C12orf43: variants seen among roughly 807,000 people sequenced by gnomAD.
C12orf43 encodes the protein chromosome 12 open reading frame 43, also known as protein CUSTOS.
C12orf43 carries 15 observed loss-of-function variants against 20.6 expected under a neutral mutation model. That is an observed-to-expected ratio of 0.73 (90% CI 0.49 to 1.12). C12orf43 has a LOEUF of 1.12. Ranked by LOEUF, C12orf43 falls within the 50% of genes most tolerant of loss-of-function variation. The pLI is 0.00. For synonymous variants in C12orf43, 144 were observed against 130.8 expected, an observed-to-expected ratio of 1.10 and a Z score of -0.69; for missense variants, 334 against 344.4, an observed-to-expected ratio of 0.97 and a Z score of 0.24.
At position 121,001,237 on chromosome 12, in the gene C12orf43, T is replaced by C. The variant is rs369513058; in HGVS notation, c.*2916A>G. ...GGGCCTGTACTGCCTGCTTGGGGGG[T>C]GATGAGGGCAGCAGCCAGCCCTGCC... On this transcript the variant is annotated 3_prime_UTR_variant, in exon 6 of 6. Coordinates refer to ENST00000288757, the MANE Select transcript of C12orf43 (RefSeq NM_022895.3). 1.2e-6 allele frequency: 2 copies of C among 1,608,152 alleles called. No individual in the cohort carries two copies. Among genetic ancestry groups the C allele is most frequent in the Non-Finnish European group, 1.7e-6 (2 of 1,178,100 alleles).
In C12orf43 at chr12:121,002,032, C is replaced by T; in HGVS notation, c.*2121G>A. ...CTCGCAACCCGTGCCAAGTCCAGGT[C>T]CTGGTGGGGCAGCTCCTCTGTCTCG... On this transcript the variant is annotated 3_prime_UTR_variant, in exon 6 of 6. Coordinates refer to ENST00000288757, the MANE Select transcript of C12orf43 (RefSeq NM_022895.3). 1 of 536,888 alleles carries T rather than the reference C, an allele frequency of 1.9e-6. No homozygotes were observed. The allele number at this position is 536,888 out of a possible 1,614,324, so 33.3% of individuals were successfully genotyped here.
rs773915946 is a variant in C12orf43, at chr12:121,016,408, G to A, written c.67C>T (p.Leu23=). The A allele has an allele frequency of 7.4e-6, 12 of 1,613,882 alleles. No individual in the cohort carries two copies. The African/African-American group carries it at 1.6e-4, about 22-fold the overall frequency. Residue 23 remains leucine, a synonymous_variant, in exon 1 of 6, where the codon CTG becomes TTG. Coordinates refer to ENST00000288757, the MANE Select transcript of C12orf43 (RefSeq NM_022895.3). ...SSNSSSDAEE[L]ERCREAAMPA... is the part of the protein sequence containing the mutation. ...ATTGCCGCCTCGCGGCACCGCTCCAGCTCCTCCGCATCGCTACTGCTGTTA... is the reference window on the plus strand; with the variant it reads ...ATTGCCGCCTCGCGGCACCGCTCCAACTCCTCCGCATCGCTACTGCTGTTA...
intron 3 of C12orf43, among the ~76,000 whole-genome samples, chr12:121,008,146 T>C (rs1878162664): frequency 6.6e-6 from 1 of 152,082 alleles, no homozygotes; most frequent in Admixed American, 6.5e-5. Flanking sequence ...TTTCCTTTTT[T>C]TTTTTTGAGA....
rs544947036 is a variant in C12orf43, at chr12:121,002,615, G to A, written c.*1538C>T. On this transcript the variant is annotated 3_prime_UTR_variant, in exon 6 of 6. Transcript: ENST00000288757. ...AGAGGAGACAGGCTCCAGCACCCAC[G>A]CTCTCACACCCCACATCTCTGCTTT... is the stretch of plus-strand genomic sequence containing the variant. 142 of 373,268 alleles carry A rather than the reference G, an allele frequency of 3.8e-4. No homozygotes were observed. The highest frequency in any genetic ancestry group is 2.6e-3 in the African/African-American group (123 of 46,638). 23.1% of individuals were successfully genotyped at this position (373,268 alleles called of 1,614,324 possible).
At chr12:121,010,408 A>G (rs893666287) in intron 3 of C12orf43, among the ~76,000 whole-genome samples, 1 of 152,170 alleles carries the variant, frequency 6.6e-6, no homozygotes, top group African/African-American at 2.4e-5. Context: ...TGGCTTTGTC[A>G]CTTAATAGCG....
At chr12:121,006,468 G>T in intron 3 of C12orf43, 74 bp from the exon 4 acceptor site, 1 of 1,381,798 alleles carries the variant, frequency 7.2e-7, no homozygotes, top group Non-Finnish European at 1.0e-6. Context: ...TTTTTCAAGT[G>T]GAGGGGATGG....
At position 121,004,463 on chromosome 12, in the gene C12orf43, C is replaced by T. The variant is rs559489365; in HGVS notation, c.479G>A (p.Arg160Gln). ...SSEDSDEEWR[R>Q]CREAAVSASD... ...CGCCGACACAGCTGCCTCCCGGCAC[C>T]GCCGCCACTCCTCGTCACTGTCCTC... The change falls in exon 6 of 6, where the codon CGG becomes CAG. Residue 160 changes from arginine (R) to glutamine (Q), a missense_variant. Physicochemically the swap from Arg to Gln is conservative, Grantham distance 43. Coordinates refer to ENST00000288757, the MANE Select transcript of C12orf43 (RefSeq NM_022895.3). This position sits in a 1 kb window ranked among gnomAD's most constrained non-coding sequence, Gnocchi z 5.6. The T allele has an allele frequency of 2.2e-5, 36 of 1,608,992 alleles. No homozygotes were observed. The highest frequency in any genetic ancestry group is 8.8e-5 in the South Asian group (8 of 90,766).
chr12:121,005,156 T>C lies in C12orf43; in HGVS notation c.362-63A>G. The stretch of plus-strand genomic sequence containing the variant: ...CAAAACAAAAAGAAACATAAAAAAA[T>C]AAAAAATAAAGAAACAAAAAAGAAA... On this transcript the variant is annotated intron_variant, in intron 4 of 5. Coordinates refer to ENST00000288757, the MANE Select transcript of C12orf43 (RefSeq NM_022895.3). This position sits in a 1 kb window ranked among gnomAD's most constrained non-coding sequence, Gnocchi z 5.6. The C allele has an allele frequency of 1.2e-6, 1 of 842,714 alleles. No individual in the cohort carries two copies. Among genetic ancestry groups the C allele is most frequent in the Non-Finnish European group, 1.5e-6 (1 of 645,918 alleles). The allele number at this position is 842,714 out of a possible 1,614,324, so 52.2% of individuals were successfully genotyped here.
At chr12:121,007,703 G>A (rs1415261995) in intron 3 of C12orf43, among the ~76,000 whole-genome samples, 1 of 152,234 alleles carries the variant, frequency 6.6e-6, no homozygotes, top group African/African-American at 2.4e-5. Context: ...TGCAGATGGA[G>A]ATGCCACTGT....
In C12orf43 at chr12:121,003,818, G is replaced by A; in HGVS notation, c.*335C>T. The A allele has an allele frequency of 2.7e-6, 1 of 376,232 alleles. No individual in the cohort carries two copies. The highest frequency in any genetic ancestry group is 5.0e-6 in the Non-Finnish European group (1 of 201,236). The allele number at this position is 376,232 out of a possible 1,614,324, so 23.3% of individuals were successfully genotyped here. On this transcript the variant is annotated 3_prime_UTR_variant, in exon 6 of 6. Coordinates refer to ENST00000288757, the MANE Select transcript of C12orf43 (RefSeq NM_022895.3). ...TGCCCACCTCAGACAGTTCTAGGGA[G>A]ATGGAGGTTTCACCACTTGGCCACT...
intron 3 of C12orf43, among the ~76,000 whole-genome samples, chr12:121,010,141 A>G (rs1265073251): frequency 6.6e-6 from 1 of 152,188 alleles, no homozygotes; most frequent in Non-Finnish European, 1.5e-5. Context: ...GTCTCTACTA[A>G]AAATACAAAA....
At chr12:121,012,867 A>AG (rs1329220270) in intron 1 of C12orf43, among the ~76,000 whole-genome samples, 1 of 131,654 alleles carries the variant, frequency 7.6e-6, no homozygotes, top group African/African-American at 2.6e-5. Context: ...AAAAAAAAAA[A>AG]AAAAAAAGAT....
chr12:121,002,043 A>G lies in C12orf43; in HGVS notation c.*2110T>C. The G allele has an allele frequency of 1.9e-6, 1 of 536,864 alleles. No individual in the cohort carries two copies. The allele number at this position is 536,864 out of a possible 1,614,324, so 33.3% of individuals were successfully genotyped here. On this transcript the variant is annotated 3_prime_UTR_variant, in exon 6 of 6. Coordinates refer to ENST00000288757, the MANE Select transcript of C12orf43 (RefSeq NM_022895.3). ...TGCCAAGTCCAGGTCCTGGTGGGGC[A>G]GCTCCTCTGTCTCGAGCGCCCTGCA...
In C12orf43 at chr12:121,001,364, C is replaced by T; in HGVS notation, c.*2789G>A. 1 of 821,728 alleles carries T rather than the reference C, an allele frequency of 1.2e-6. No homozygotes were observed. Among genetic ancestry groups the T allele is most frequent in the Non-Finnish European group, 1.9e-6 (1 of 524,502 alleles). The allele number at this position is 821,728 out of a possible 1,614,324, so 50.9% of individuals were successfully genotyped here. A position where few individuals can be genotyped will look rare whatever the true frequency, so the allele number is the denominator to read the frequency against. On this transcript the variant is annotated 3_prime_UTR_variant, in exon 6 of 6. Coordinates refer to ENST00000288757, the MANE Select transcript of C12orf43 (RefSeq NM_022895.3). ...ATCAGAAAGGGAGGGCTCTGAGGCG[C>T]CCCAACCCGTGGAGGCTGCTCGGGG...
At position 121,004,210 on chromosome 12, in the gene C12orf43, G is replaced by A. The variant is rs1394218307; in HGVS notation, c.732C>T (p.Ala244=). The change falls in exon 6 of 6, where the codon GCC becomes GCT. Residue 244 remains alanine (A), a synonymous_variant. Coordinates refer to ENST00000288757, the MANE Select transcript of C12orf43 (RefSeq NM_022895.3). The surrounding 1 kb of genome is among the most constrained non-coding windows in gnomAD (Gnocchi z 5.6). Reference sequence around the variant, plus strand: ...CTGGTGGGAATGGAGAGGTCTCGCTGGCCTTCTTTGCCTTTTTCTTCTTTT... The same window carrying A: ...CTGGTGGGAATGGAGAGGTCTCGCTAGCCTTCTTTGCCTTTTTCTTCTTTT... ...GTKKKKKAKK[A]SETSPFPPAK... is the part of the protein sequence containing the mutation. 6.2e-7 allele frequency: 1 copy of A among 1,614,202 alleles called. No individual in the cohort carries two copies. The highest frequency in any genetic ancestry group is 2.2e-5 in the East Asian group (1 of 44,886).
In C12orf43 at chr12:121,002,276, G is replaced by A. The variant is rs1489474008; in HGVS notation, c.*1877C>T. On this transcript the variant is annotated 3_prime_UTR_variant, in exon 6 of 6. Coordinates refer to ENST00000288757, the MANE Select transcript of C12orf43 (RefSeq NM_022895.3). ...TGAGGGCAGTTCGCAGCCACCCTGA[G>A]GAGTCTGAGGTCCTGAGCACTGCCA... 6 of 441,942 alleles carry A rather than the reference G, an allele frequency of 1.4e-5. No individual in the cohort carries two copies. Among genetic ancestry groups the A allele is most frequent in the Non-Finnish European group, 2.6e-5 (6 of 232,692 alleles). The allele number at this position is 441,942 out of a possible 1,614,324, so 27.4% of individuals were successfully genotyped here. A position where few individuals can be genotyped will look rare whatever the true frequency, so the allele number is the denominator to read the frequency against.
chr12:121,015,584 G>A (rs1359872439), intron 1 of C12orf43, among the ~76,000 whole-genome samples: 1 of 152,206 alleles, frequency 6.6e-6, no homozygotes, highest in Non-Finnish European at 1.5e-5. Context: ...ATATAGAGAT[G>A]GGTCTAAAAA....
At position 121,016,338 on chromosome 12, in the gene C12orf43, G is replaced by A. The variant is rs1190565179; in HGVS notation, c.137C>T (p.Pro46Leu). 2 of 1,613,774 alleles carry A rather than the reference G, an allele frequency of 1.2e-6. No homozygotes were observed. The highest frequency in any genetic ancestry group is 1.1e-5 in the South Asian group (1 of 91,088). ...CAAACATAGTACCCTACCGGCTCTTGGCTTCCCTGCCACGTGCGGGCGTTG... is the reference window on the plus strand; with the variant it reads ...CAAACATAGTACCCTACCGGCTCTTAGCTTCCCTGCCACGTGCGGGCGTTG... Reference protein sequence around the residue: ...LEQRPHVAGKPRAGAANSQLS... With the variant: ...LEQRPHVAGKLRAGAANSQLS... Residue 46 changes from proline to leucine, a missense_variant, in exon 1 of 6, where the codon CCA becomes CTA. Coordinates refer to ENST00000288757, the MANE Select transcript of C12orf43 (RefSeq NM_022895.3).
At chr12:121,010,085 C>A (rs554033928) in intron 3 of C12orf43, among the ~76,000 whole-genome samples, 4 of 152,134 alleles carry the variant, frequency 2.6e-5, no homozygotes, top group African/African-American at 9.7e-5. Flanking sequence ...GTGGATCACT[C>A]GAGGTCAGGA....
Sources: gnomAD v4.1 joint callset for allele counts (sites outside exome capture counted in the v4.1 genomes callset) on GRCh38, gnomAD v4.1.1 for gene constraint, Gnocchi (gnomAD v3.1) non-coding constraint, MANE v1.5 for transcripts, NCBI Gene and HGNC (gene_info 2026-07-23, HGNC 2026-07-21) for gene names.